The following ABCC1 variants were observed in gnomAD, a reference collection of about 807,000 sequenced individuals.
The protein encoded by ABCC1 is ATP binding cassette subfamily C member 1 (ABCC1 blood group).
In ABCC1, 83 loss-of-function variants were observed where a neutral mutation model predicts 172.9. The observed-to-expected ratio is 0.48, with a 90% CI of 0.40 to 0.58. The LOEUF (loss-of-function observed/expected upper bound fraction) is 0.58. Among genes scored for constraint, ABCC1 ranks in the 20% least tolerant of loss-of-function variants. The pLI is 0.00. For synonymous variants in ABCC1, 937 were observed against 825.2 expected (o/e 1.14, Z -2.32); for missense variants, 1,817 against 2,002.7 (o/e 0.91, Z 1.77).
chr16:15,997,363 T>A (rs1264844777), intron 1 of ABCC1, among the ~76,000 whole-genome samples: 1 of 152,160 alleles, frequency 6.6e-6, no homozygotes, highest in African/African-American at 2.4e-5. Flanking sequence ...AGTGCTAGGA[T>A]TATAGGCGTG....
At chr16:16,001,828 C>A (rs2047322952) in intron 1 of ABCC1, among the ~76,000 whole-genome samples, 1 of 152,138 alleles carries the variant, frequency 6.6e-6, no homozygotes, top group Admixed American at 6.6e-5. Flanking sequence ...ATTTGGAGGG[C>A]AGTGTCTGTC....
intron 9 of ABCC1, among the ~76,000 whole-genome samples, chr16:16,047,142 G>A (rs1358697538): frequency 1.3e-5 from 2 of 152,146 alleles, no homozygotes; most frequent in Non-Finnish European, 2.9e-5. Context: ...AGGCTGCAGT[G>A]AGTCCTGATA....
At chr16:16,006,162 G>A (rs572632927) in intron 1 of ABCC1, among the ~76,000 whole-genome samples, 21 of 151,902 alleles carry the variant, frequency 1.4e-4, no homozygotes, top group African/African-American at 4.6e-4. Flanking sequence ...TATTTTATCC[G>A]ATTGAATTGT....
At chr16:16,113,405 C>T (rs1385215185) in intron 22 of ABCC1, among the ~76,000 whole-genome samples, 1 of 152,160 alleles carries the variant, frequency 6.6e-6, no homozygotes, top group Non-Finnish European at 1.5e-5. Context: ...CCTGTAACCC[C>T]AACACTTTGA....
intron 3 of ABCC1, among the ~76,000 whole-genome samples, chr16:16,011,245 G>GAA (rs921034286): frequency 6.9e-6 from 1 of 143,994 alleles, no homozygotes; most frequent in African/African-American, 2.5e-5. Context: ...AAAAGAAAAA[G>GAA]AAAAAAAAAA....
intron 18 of ABCC1, among the ~76,000 whole-genome samples, chr16:16,090,185 C>T (rs1285385463): frequency 6.6e-6 from 1 of 152,222 alleles, no homozygotes; most frequent in Non-Finnish European, 1.5e-5. Context: ...AGCTCAGCAC[C>T]TGAGGCGTGG....
At position 16,111,401 on chromosome 16, in the gene ABCC1, C is replaced by T. The variant is rs771620033; in HGVS notation, c.2898C>T (p.Tyr966=). 6 of 1,614,156 alleles carry T rather than the reference C, an allele frequency of 3.7e-6. No individual in the cohort carries two copies. Among genetic ancestry groups the T allele is most frequent in the African/African-American group, 2.7e-5 (2 of 75,040 alleles). The change falls in exon 22 of 31, where the codon TAC becomes TAT. Residue 966 remains tyrosine, a synonymous_variant. Transcript: ENST00000399410. ...GQVKLSVYWD[Y]MKAIGLFISF... Reference sequence around the variant, plus strand: ...TCAAGCTTTCCGTGTACTGGGACTACATGAAGGCCATCGGACTCTTCATCT... The same window carrying T: ...TCAAGCTTTCCGTGTACTGGGACTATATGAAGGCCATCGGACTCTTCATCT...
intron 1 of ABCC1, among the ~76,000 whole-genome samples, chr16:15,999,836 C>CTTTCTTTCTTTCTTTCTTTCTT (rs766054868): frequency 1.2e-3 from 21 of 16,834 alleles, no homozygotes; most frequent in African/African-American, 2.8e-3. Flanking sequence ...CTCTCTCTGT[C>CTTTCTTTCTTTCTTTCTTTCTT]TCTTTCTTTC....
intron 1 of ABCC1, among the ~76,000 whole-genome samples, chr16:15,962,768 C>T (rs2046163918): frequency 6.6e-6 from 1 of 152,196 alleles, no homozygotes; most frequent in African/African-American, 2.4e-5. Context: ...GAGGTCCCTC[C>T]ACCAACACGT....
At position 16,016,588 on chromosome 16, in the gene ABCC1, C is replaced by A. The variant is rs775304424; in HGVS notation, c.582C>A (p.Arg194=). The A allele has an allele frequency of 3.7e-5, 59 of 1,614,084 alleles. No individual in the cohort carries two copies. Among genetic ancestry groups the A allele is most frequent in the Non-Finnish European group, 4.8e-5 (57 of 1,180,052 alleles). ...TCGTCTTGTCCTGTTTCTCAGATCG[C>A]TCACCCCTGTTCTCGGAAACCATCC... ...IQLVLSCFSD[R]SPLFSETIHD... Residue 194 remains arginine (R), a synonymous_variant, in exon 5 of 31, where the codon CGC becomes CGA. Transcript: ENST00000399410.
In ABCC1 at chr16:16,083,511, C is replaced by T; in HGVS notation, c.2261C>T (p.Pro754Leu). ...CALLPDLEILPSGDRTEIGEK... is the reference protein window; with the variant it reads ...CALLPDLEILLSGDRTEIGEK... ...CTCCTCCCAGACCTGGAAATCCTGC[C>T]CAGTGGGGATCGGACAGAGATTGGC... The change falls in exon 17 of 31, where the codon CCC (proline) becomes CTC (leucine). Residue 754 changes from proline to leucine, a missense_variant. Physicochemically the swap from Pro to Leu is moderately conservative, Grantham distance 98 (BLOSUM62 -3). Coordinates refer to ENST00000399410, the MANE Select transcript of ABCC1 (RefSeq NM_004996.4). 1 of 1,613,638 alleles carries T rather than the reference C, an allele frequency of 6.2e-7. No individual in the cohort carries two copies. Among genetic ancestry groups the T allele is most frequent in the African/African-American group, 1.3e-5 (1 of 75,034 alleles).
chr16:16,033,026 C>G, intron 5 of ABCC1, 83 bp from the exon 6 acceptor site: 2 of 1,362,916 alleles, frequency 1.5e-6, no homozygotes, highest in Non-Finnish European at 2.1e-6. Flanking sequence ...GAGCAGCTGA[C>G]TACTTGCTAA....
chr16:16,123,291 TTAAAA>T (rs1210508537), intron 24 of ABCC1, among the ~76,000 whole-genome samples: 1 of 152,172 alleles, frequency 6.6e-6, no homozygotes, highest in Non-Finnish European at 1.5e-5. Flanking sequence ...TTTTAGAACA[TTAAAA>T]TAATAGTTCT....
In ABCC1 at chr16:16,056,537, C is replaced by T. The variant is rs7193525; in HGVS notation, c.1677+242C>T. ...CAAAAAAATAAGCCGGGTGTGGTGG[C>T]GCATGCCTGTAGTCCCAGCTACTAG... On this transcript the variant is annotated intron_variant, in intron 12 of 30. Coordinates refer to ENST00000399410, the MANE Select transcript of ABCC1 (RefSeq NM_004996.4). 4,851 of 535,140 alleles carry T rather than the reference C, an allele frequency of 9.1e-3. 184 individuals carry two copies. Among genetic ancestry groups the T allele is most frequent in the African/African-American group, 0.082 (4,327 of 52,548 alleles). The allele number at this position is 535,140 out of a possible 1,614,324, so 33.1% of individuals were successfully genotyped here. A position where few individuals can be genotyped will look rare whatever the true frequency, so the allele number is the denominator to read the frequency against.
At chr16:15,964,966 C>T (rs1237459745) in intron 1 of ABCC1, among the ~76,000 whole-genome samples, 6 of 152,098 alleles carry the variant, frequency 3.9e-5, no homozygotes, top group Non-Finnish European at 8.8e-5. Flanking sequence ...TTTGTAAGGG[C>T]TCTTGTTATT....
At chr16:16,131,741 C>G (rs1420505480) in intron 26 of ABCC1, 48 bp from the exon 27 acceptor site, 1 of 1,597,382 alleles carries the variant, frequency 6.3e-7, no homozygotes, top group African/African-American at 1.3e-5. Flanking sequence ...CACAGCTTTA[C>G]CAGATGGACT....
intron 16 of ABCC1, 139 bp from the exon 17 acceptor site, chr16:16,083,227 C>T: frequency 1.2e-6 from 1 of 833,332 alleles, no homozygotes; most frequent in Non-Finnish European, 1.9e-6. Context: ...GAGTCAGTTT[C>T]CCTCTTGCCA....
At chr16:16,078,149 C>T (rs774354607) in intron 15 of ABCC1, among the ~76,000 whole-genome samples, 15 of 152,282 alleles carry the variant, frequency 9.9e-5, no homozygotes, top group Middle Eastern at 3.4e-3. Context: ...CAGAGTGAGA[C>T]TCTTGTCTCA....
At chr16:16,088,658 A>G (rs1248658941) in intron 18 of ABCC1, among the ~76,000 whole-genome samples, 1 of 152,208 alleles carries the variant, frequency 6.6e-6, no homozygotes, top group African/African-American at 2.4e-5. Flanking sequence ...TATTAAATTT[A>G]GATATCAGTG....
Sources: gnomAD v4.1 joint callset for allele counts (sites outside exome capture counted in the v4.1 genomes callset) on GRCh38, gnomAD v4.1.1 for gene constraint, MANE v1.5 for transcripts, NCBI Gene and HGNC (gene_info 2026-07-23, HGNC 2026-07-21) for gene names.